ELMO1: variants seen among roughly 807,000 people sequenced by gnomAD.
ELMO1 encodes engulfment and cell motility protein 1.
In ELMO1, 26 loss-of-function variants were observed where a neutral mutation model predicts 98.9. The observed-to-expected ratio is 0.26, with a 90% CI of 0.19 to 0.36. ELMO1 has a LOEUF of 0.36. Ranked by LOEUF, ELMO1 falls within the 10% of genes least tolerant of loss-of-function variation. The pLI, the probability that ELMO1 is intolerant of heterozygous loss-of-function variation, is 1.00. For missense variants in ELMO1, 627 were observed against 935.2 expected (o/e 0.67, Z 4.30); for synonymous variants, 346 against 346.0 (o/e 1.00, Z 0.00).
At chr7:37,072,357 G>C (rs1797323294) in intron 15 of ELMO1, among the ~76,000 whole-genome samples, 2 of 152,250 alleles carry the variant, frequency 1.3e-5, no homozygotes, top group African/African-American at 4.8e-5. Flanking sequence ...AGATCGGCTG[G>C]TTTTAAAAAT....
intron 13 of ELMO1, among the ~76,000 whole-genome samples, chr7:37,157,708 T>A (rs1210575271): frequency 6.6e-6 from 1 of 151,992 alleles, no homozygotes; most frequent in Non-Finnish European, 1.5e-5. Context: ...AGAATCAATA[T>A]CGTGAAAATG....
intron 13 of ELMO1, chr7:37,204,068 T>C (rs1415730123): frequency 4.4e-6 from 2 of 455,574 alleles, no homozygotes; most frequent in Non-Finnish European, 8.8e-6. Flanking sequence ...TAAGGAAAAA[T>C]AGGACAGAAT....
chr7:37,429,261 T>C (rs1288865940), intron 1 of ELMO1: 1 of 151,660 alleles, frequency 6.6e-6, no homozygotes, highest in Non-Finnish European at 1.5e-5. Context: ...ACTGTCAGGA[T>C]CCAACTTGTC....
At chr7:36,960,847 CT>C (rs1487640808) in intron 16 of ELMO1, among the ~76,000 whole-genome samples, 1 of 152,192 alleles carries the variant, frequency 6.6e-6, no homozygotes, top group African/African-American at 2.4e-5. Flanking sequence ...AACCAATCCA[CT>C]GGGCCCTATG....
intron 5 of ELMO1, chr7:37,270,894 C>CACACACAG (rs1174475453): frequency 1.3e-5 from 2 of 149,014 alleles, no homozygotes; most frequent in African/African-American, 5.0e-5. Context: ...CACACACACA[C>CACACACAG]ACACACACAG....
intron 1 of ELMO1, among the ~76,000 whole-genome samples, chr7:37,350,534 G>A (rs1464138510): frequency 1.3e-5 from 2 of 152,206 alleles, no homozygotes; most frequent in Admixed American, 6.5e-5. Flanking sequence ...ACAGCCCTGA[G>A]TGACAGGTGT....
intron 18 of ELMO1, among the ~76,000 whole-genome samples, chr7:36,881,637 C>T (rs1321253870): frequency 2.0e-5 from 3 of 152,192 alleles, no homozygotes; most frequent in South Asian, 2.1e-4. Flanking sequence ...GGGAGAATTT[C>T]GTGTTTCAAT....
At chr7:36,981,108 T>C (rs1041316835) in intron 16 of ELMO1, among the ~76,000 whole-genome samples, 1 of 149,550 alleles carries the variant, frequency 6.7e-6, no homozygotes, top group African/African-American at 2.4e-5. Flanking sequence ...GCAGAATTCT[T>C]AATAGAGCTA....
At chr7:37,059,495 G>A (rs907360619) in intron 15 of ELMO1, among the ~76,000 whole-genome samples, 1 of 152,162 alleles carries the variant, frequency 6.6e-6, no homozygotes, top group African/African-American at 2.4e-5. Flanking sequence ...TTGTGTGACA[G>A]AAGCCATTTC....
chr7:37,332,836 T>G (rs1395744466), intron 2 of ELMO1, among the ~76,000 whole-genome samples: 1 of 152,106 alleles, frequency 6.6e-6, no homozygotes, highest in East Asian at 1.9e-4. Flanking sequence ...GTGCAGAATG[T>G]TAGGCCTAGG....
chr7:37,073,414 G>A (rs928891396), intron 15 of ELMO1, among the ~76,000 whole-genome samples: 1 of 152,152 alleles, frequency 6.6e-6, no homozygotes, highest in Non-Finnish European at 1.5e-5. Context: ...AGATACAGTA[G>A]AGGCTAAAAG....
chr7:37,323,576 G>A (rs1389868160), intron 2 of ELMO1, among the ~76,000 whole-genome samples: 1 of 152,136 alleles, frequency 6.6e-6, no homozygotes, highest in African/African-American at 2.4e-5. Flanking sequence ...TGTAATCCCA[G>A]CTACTAGGGA....
intron 2 of ELMO1, among the ~76,000 whole-genome samples, chr7:37,331,299 A>C (rs1398595905): frequency 3.5e-5 from 5 of 142,262 alleles, no homozygotes; most frequent in African/African-American, 1.3e-4. Flanking sequence ...CCTCCCGAGT[A>C]GCTGGGACTA....
chr7:37,039,855 G>T (rs1795400784), intron 15 of ELMO1, among the ~76,000 whole-genome samples: 1 of 152,136 alleles, frequency 6.6e-6, no homozygotes, highest in Non-Finnish European at 1.5e-5. Flanking sequence ...ATAAATTACA[G>T]GTGCTGATCC....
At chr7:36,943,566 G>A (rs1787225118) in intron 16 of ELMO1, among the ~76,000 whole-genome samples, 1 of 152,196 alleles carries the variant, frequency 6.6e-6, no homozygotes, top group African/African-American at 2.4e-5. Context: ...TCTATCCCCA[G>A]AATCTGGCAT....
chr7:37,279,692 G>A (rs534933604), intron 4 of ELMO1, among the ~76,000 whole-genome samples: 8 of 152,278 alleles, frequency 5.3e-5, no homozygotes, highest in Admixed American at 2.0e-4. Context: ...AGCTCGCTGC[G>A]TCCCCTAGCA....
intron 18 of ELMO1, among the ~76,000 whole-genome samples, chr7:36,883,351 GT>G (rs1184006257): frequency 1.3e-5 from 2 of 152,342 alleles, no homozygotes; most frequent in East Asian, 3.9e-4. Flanking sequence ...TACAAGAGAA[GT>G]AGGGGGCAGT....
intron 14 of ELMO1, among the ~76,000 whole-genome samples, chr7:37,112,226 T>C (rs944274177): frequency 3.3e-5 from 5 of 152,152 alleles, no homozygotes; most frequent in Non-Finnish European, 7.4e-5. Flanking sequence ...AAAAATTTCA[T>C]GTTAAGAGAG....
chr7:36,867,728 T>C (rs1803145107), intron 20 of ELMO1, among the ~76,000 whole-genome samples: 1 of 152,196 alleles, frequency 6.6e-6, no homozygotes, highest in African/African-American at 2.4e-5. Context: ...GTTTGAAACA[T>C]TTTGTAATTT....
Sources: allele counts gnomAD v4.1 joint callset (sites outside exome capture counted in the v4.1 genomes callset), GRCh38; gene constraint gnomAD v4.1.1; transcripts MANE v1.5; gene names NCBI Gene and HGNC (gene_info 2026-07-23, HGNC 2026-07-21).